The following RBFOX1 variants were observed in gnomAD, a reference collection of about 807,000 sequenced individuals.
RBFOX1 encodes RNA binding fox-1 homolog 1.
RBFOX1 carries 8 observed loss-of-function variants against 57.7 expected under a neutral mutation model. The ratio of observed to expected loss-of-function variants is 0.14; its 90% CI spans 0.08 to 0.25. The LOEUF (loss-of-function observed/expected upper bound fraction) is 0.25. Ranked by LOEUF, RBFOX1 falls within the 10% of genes least tolerant of loss-of-function variation. The pLI, the probability that RBFOX1 is intolerant of heterozygous loss-of-function variation, is 1.00. For synonymous variants in RBFOX1, 326 were observed against 222.4 expected (o/e 1.47, Z -4.15); for missense variants, 611 against 548.5 (o/e 1.11, Z -1.14).
At chr16:6,675,911 A>T (rs563816695) in intron 3 of RBFOX1, among the ~76,000 whole-genome samples, 14 of 148,064 alleles carry the variant, frequency 9.5e-5, no homozygotes, top group Non-Finnish European at 9.1e-5. Flanking sequence ...ATCACATGGG[A>T]TGTGGTATTT....
intron 2 of RBFOX1, among the ~76,000 whole-genome samples, chr16:6,507,273 T>G (rs750871000): frequency 3.3e-5 from 5 of 152,118 alleles, no homozygotes; most frequent in Non-Finnish European, 7.4e-5. Flanking sequence ...ACACCCATTT[T>G]CATAGCAGCA....
At chr16:5,713,134 G>T (rs565161959) in intron 3 of RBFOX1, among the ~76,000 whole-genome samples, 1 of 152,330 alleles carries the variant, frequency 6.6e-6, no homozygotes, top group African/African-American at 2.4e-5. Flanking sequence ...AACCGACACT[G>T]AATGAACTTG....
chr16:5,692,776 A>T (rs2050728385), intron 3 of RBFOX1, among the ~76,000 whole-genome samples: 1 of 152,084 alleles, frequency 6.6e-6, no homozygotes, highest in African/African-American at 2.4e-5. Flanking sequence ...AGCCCACCGA[A>T]CAAGAAAACG....
chr16:5,768,308 C>T (rs906172918), intron 3 of RBFOX1, among the ~76,000 whole-genome samples: 4 of 152,156 alleles, frequency 2.6e-5, no homozygotes, highest in Non-Finnish European at 2.9e-5. Flanking sequence ...AAATGGGGGC[C>T]GCTAAGATAA....
chr16:5,742,513 A>G (rs1487945124), intron 3 of RBFOX1, among the ~76,000 whole-genome samples: 1 of 152,174 alleles, frequency 6.6e-6, no homozygotes. Flanking sequence ...GTCAAAGGAG[A>G]GAAACAAGCC....
intron 1 of RBFOX1, among the ~76,000 whole-genome samples, chr16:6,020,648 A>G (rs2095053667): frequency 6.6e-6 from 1 of 152,074 alleles, no homozygotes; most frequent in Non-Finnish European, 1.5e-5. Context: ...TTCACCCCAG[A>G]GAAGGAAACA....
chr16:6,952,262 G>A (rs530841822), intron 3 of RBFOX1, among the ~76,000 whole-genome samples: 2 of 152,094 alleles, frequency 1.3e-5, no homozygotes, highest in African/African-American at 4.8e-5. Context: ...GTAGATTTCT[G>A]GTTCTAAAAG....
At chr16:6,576,816 T>A (rs1228880870) in intron 2 of RBFOX1, 1 of 152,182 alleles carries the variant, frequency 6.6e-6, no homozygotes, top group Non-Finnish European at 1.5e-5. Context: ...AGGCAAAGAT[T>A]TCACAGCTGT....
rs117204230 is a variant in RBFOX1 at position 5,940,774 on chromosome 16, G to A, written c.351+73439G>A. ...AAATAAATTCTTTGCTGAGGCCACAGCCGGCTAGTCTGGCACATATGGGAC... is the reference window on the plus strand; with the variant it reads ...AAATAAATTCTTTGCTGAGGCCACAACCGGCTAGTCTGGCACATATGGGAC... On this transcript the variant is annotated intron_variant, in intron 4 of 19. Coordinates refer to the RBFOX1 transcript ENST00000641259. Among the ~76,000 whole-genome samples, 1,072 of 152,282 alleles carry A rather than the reference G, an allele frequency of 7.0e-3. 8 individuals carry two copies. The highest frequency in any genetic ancestry group is 0.01 in the Non-Finnish European group (696 of 68,020).
At chr16:6,322,959 C>T (rs1019321798) in intron 2 of RBFOX1, among the ~76,000 whole-genome samples, 3 of 152,166 alleles carry the variant, frequency 2.0e-5, no homozygotes, top group Non-Finnish European at 2.9e-5. Flanking sequence ...CACCCCCACA[C>T]ACTGTTGTTT....
At chr16:7,179,162 G>A (rs2082218167) in intron 4 of RBFOX1, among the ~76,000 whole-genome samples, 1 of 152,028 alleles carries the variant, frequency 6.6e-6, no homozygotes, top group South Asian at 2.1e-4. Context: ...GTGCATTTGG[G>A]GGTAGGAGGT....
At chr16:6,996,619 C>A (rs1320045135) in intron 3 of RBFOX1, among the ~76,000 whole-genome samples, 1 of 152,132 alleles carries the variant, frequency 6.6e-6, no homozygotes, top group Non-Finnish European at 1.5e-5. Context: ...TTTCATTTAA[C>A]CAATGGGGAC....
chr16:6,659,255 C>T (rs1185050239), intron 3 of RBFOX1, among the ~76,000 whole-genome samples: 2 of 111,238 alleles, frequency 1.8e-5, no homozygotes, highest in African/African-American at 7.0e-5. Context: ...TAAACACAGA[C>T]AGGGCTTCCT....
chr16:7,087,824 C>G (rs1429265727), intron 4 of RBFOX1, among the ~76,000 whole-genome samples: 2 of 152,030 alleles, frequency 1.3e-5, no homozygotes, highest in African/African-American at 4.8e-5. Context: ...CTGACAGAGC[C>G]CTTGATTTCT....
At chr16:6,936,968 G>A (rs2077473430) in intron 3 of RBFOX1, among the ~76,000 whole-genome samples, 1 of 149,964 alleles carries the variant, frequency 6.7e-6, no homozygotes, top group South Asian at 2.2e-4. Flanking sequence ...GGGAGGGATA[G>A]CATTGGGAGA....
At chr16:7,673,714 A>T (rs924643902) in intron 13 of RBFOX1, among the ~76,000 whole-genome samples, 1 of 152,222 alleles carries the variant, frequency 6.6e-6, no homozygotes, top group Non-Finnish European at 1.5e-5. Flanking sequence ...AAGATGCACA[A>T]TGACAATTTG....
At chr16:7,174,876 G>T (rs1211348925) in intron 4 of RBFOX1, among the ~76,000 whole-genome samples, 2 of 152,126 alleles carry the variant, frequency 1.3e-5, no homozygotes, top group African/African-American at 4.8e-5. Context: ...CAAGCATCCA[G>T]GTTGTGCCAC....
intron 4 of RBFOX1, among the ~76,000 whole-genome samples, chr16:7,444,891 G>C (rs1487852550): frequency 1.3e-5 from 2 of 152,142 alleles, no homozygotes; most frequent in African/African-American, 2.4e-5. Flanking sequence ...CAGATAGATA[G>C]ACAGTTACTA....
At chr16:5,984,963 TATATATATA>T (rs2060252248) in intron 4 of RBFOX1, among the ~76,000 whole-genome samples, 3 of 40,022 alleles carry the variant, frequency 7.5e-5, no homozygotes. Flanking sequence ...TATATATATA[TATATATATA>T]TATATTTTTT....
Sources: gnomAD v4.1 joint callset for allele counts (sites outside exome capture counted in the v4.1 genomes callset) on GRCh38, gnomAD v4.1.1 for gene constraint, MANE v1.5 for transcripts, NCBI Gene and HGNC (gene_info 2026-07-23, HGNC 2026-07-21) for gene names.